CNTN3: variants seen among roughly 807,000 people sequenced by gnomAD.
The protein encoded by CNTN3 is contactin-3.
Under a neutral mutation model 119.1 loss-of-function variants are expected in CNTN3, and 60 were observed. The ratio of observed to expected loss-of-function variants is 0.50; its 90% CI spans 0.41 to 0.62. CNTN3 has a LOEUF of 0.62. Ranked by LOEUF, CNTN3 falls within the 20% of genes least tolerant of loss-of-function variation. CNTN3 has a pLI of 0.00. For synonymous variants in CNTN3, 450 were observed against 438.7 expected (o/e 1.03, Z -0.32); for missense variants, 1,101 against 1,242.4 (o/e 0.89, Z 1.71).
At chr3:74,291,057 A>G (rs1256586023) in intron 19 of CNTN3, among the ~76,000 whole-genome samples, 3 of 138,582 alleles carry the variant, frequency 2.2e-5, no homozygotes, top group Non-Finnish European at 4.6e-5. Flanking sequence ...CCCTTCCCCC[A>G]CCTCATGACA....
intron 5 of CNTN3, among the ~76,000 whole-genome samples, chr3:74,406,584 C>T (rs563294201): frequency 4.6e-4 from 70 of 151,496 alleles, no homozygotes; most frequent in Non-Finnish European, 9.0e-4. Flanking sequence ...TCGGTTCATT[C>T]TAAAATCTTA....
At chr3:74,435,287 G>A (rs1437214262) in intron 4 of CNTN3, among the ~76,000 whole-genome samples, 1 of 152,132 alleles carries the variant, frequency 6.6e-6, no homozygotes, top group Non-Finnish European at 1.5e-5. Context: ...AGATTCTTAT[G>A]CCTCAGCCTC....
intron 1 of CNTN3, among the ~76,000 whole-genome samples, chr3:74,562,354 G>C (rs1704165252): frequency 6.6e-6 from 1 of 152,046 alleles, no homozygotes; most frequent in Non-Finnish European, 1.5e-5. Context: ...AATTTTCATT[G>C]TGTGTTTTCT....
chr3:74,376,719 A>G (rs1388976308), intron 5 of CNTN3, among the ~76,000 whole-genome samples: 2 of 152,162 alleles, frequency 1.3e-5, no homozygotes, highest in African/African-American at 4.8e-5. Context: ...ATGGAAAAAA[A>G]TTCATCCACA....
At chr3:74,501,706 C>A (rs1703169499) in intron 2 of CNTN3, among the ~76,000 whole-genome samples, 1 of 151,966 alleles carries the variant, frequency 6.6e-6, no homozygotes, top group African/African-American at 2.4e-5. Flanking sequence ...TCCCCACCAT[C>A]CTTTGAGAAA....
intron 5 of CNTN3, among the ~76,000 whole-genome samples, chr3:74,399,478 G>GT: frequency 6.6e-6 from 1 of 152,104 alleles, no homozygotes. Context: ...ATGATCTCAT[G>GT]TTTTTAATGG....
intron 13 of CNTN3, among the ~76,000 whole-genome samples, chr3:74,317,163 GC>G (rs1702851060): frequency 1.5e-5 from 2 of 130,022 alleles, no homozygotes; most frequent in South Asian, 3.2e-4. Flanking sequence ...TGCAACCCCT[GC>G]CTTTTTTTTG....
intron 4 of CNTN3, among the ~76,000 whole-genome samples, chr3:74,431,796 G>T (rs992022169): frequency 2.6e-5 from 4 of 152,102 alleles, no homozygotes; most frequent in Non-Finnish European, 5.9e-5. Flanking sequence ...TGACTAAATG[G>T]TCTCAACATT....
chr3:74,462,673 T>A (rs1702391766), intron 4 of CNTN3, among the ~76,000 whole-genome samples: 1 of 152,070 alleles, frequency 6.6e-6, no homozygotes. Context: ...CCCCCCAGAC[T>A]CCTGTTGTCC....
At position 74,301,740 on chromosome 3, in the gene CNTN3, AAG is replaced by A. The variant is rs1559691071; in HGVS notation, c.1850_1851del (p.Ser617LeufsTer5). 2 of 1,614,084 alleles carry A rather than the reference AAG, an allele frequency of 1.2e-6. No individual in the cohort carries two copies. Among genetic ancestry groups the A allele is most frequent in the Non-Finnish European group, 1.7e-6 (2 of 1,179,962 alleles). On this transcript the variant is annotated frameshift_variant, in exon 15 of 23. Transcript: ENST00000263665. LOFTEE classifies it high-confidence loss of function. ...DEITDTTAQL[S>X]WKEGKDNHSP... is the part of the protein sequence containing the mutation. ...CTATGGTTGTCTTTACCTTCTTTCC[AAG>A]AGAGTTGGGCTGTTGTGTCTGTAAT...
At chr3:74,413,552 A>T (rs1177261619) in intron 5 of CNTN3, among the ~76,000 whole-genome samples, 1 of 152,232 alleles carries the variant, frequency 6.6e-6, no homozygotes, top group African/African-American at 2.4e-5. Flanking sequence ...TCTATATTTT[A>T]AAAAATGCAA....
At chr3:74,391,971 G>T (rs75134982) in intron 5 of CNTN3, among the ~76,000 whole-genome samples, 7,462 of 152,146 alleles carry the variant, frequency 0.049, 465 homozygotes, top group African/African-American at 0.15. Flanking sequence ...CACACTTAGA[G>T]TCTTAAGTAA....
At chr3:74,375,565 G>A (rs1047406397) in intron 5 of CNTN3, among the ~76,000 whole-genome samples, 1 of 152,126 alleles carries the variant, frequency 6.6e-6, no homozygotes, top group African/African-American at 2.4e-5. Flanking sequence ...AAACCCAAGA[G>A]TCCTTATAAG....
intron 1 of CNTN3, among the ~76,000 whole-genome samples, chr3:74,568,401 G>C (rs1336110233): frequency 6.6e-6 from 1 of 152,142 alleles, no homozygotes; most frequent in East Asian, 1.9e-4. Context: ...TGCTCCATAG[G>C]ATATGGGGAG....
intron 1 of CNTN3, among the ~76,000 whole-genome samples, chr3:74,523,552 A>G (rs1703573537): frequency 6.6e-6 from 1 of 151,896 alleles, no homozygotes; most frequent in South Asian, 2.1e-4. Flanking sequence ...CACAGAAGTT[A>G]TAGCTATCCA....
At chr3:74,306,088 T>C (rs1438654911) in intron 13 of CNTN3, among the ~76,000 whole-genome samples, 1 of 151,428 alleles carries the variant, frequency 6.6e-6, no homozygotes, top group African/African-American at 2.4e-5. Context: ...AAAAAAAAGG[T>C]AAAAGAAACT....
intron 5 of CNTN3, among the ~76,000 whole-genome samples, chr3:74,403,344 G>A (rs1463709616): frequency 1.3e-5 from 2 of 152,118 alleles, no homozygotes; most frequent in East Asian, 1.9e-4. Context: ...TTTACATTCC[G>A]AAGGTGCTTC....
chr3:74,485,869 A>G (rs1702846720), intron 4 of CNTN3, among the ~76,000 whole-genome samples: 1 of 152,154 alleles, frequency 6.6e-6, no homozygotes, highest in Admixed American at 6.6e-5. Flanking sequence ...TCCAAATAAC[A>G]TGGTACAAAA....
intron 20 of CNTN3, among the ~76,000 whole-genome samples, chr3:74,275,418 A>G (rs1701860495): frequency 6.6e-6 from 1 of 152,220 alleles, no homozygotes; most frequent in African/African-American, 2.4e-5. Flanking sequence ...GGTAACCTAT[A>G]AATGAAAACC....
Sources: allele counts gnomAD v4.1 joint callset (sites outside exome capture counted in the v4.1 genomes callset), GRCh38; gene constraint gnomAD v4.1.1; transcripts MANE v1.5; gene names NCBI Gene and HGNC (gene_info 2026-07-23, HGNC 2026-07-21).